LMO7: variants seen among roughly 807,000 people sequenced by gnomAD.
The protein encoded by LMO7 is LIM domain 7.
In LMO7, 120 loss-of-function variants were observed where a neutral mutation model predicts 206.5. The observed-to-expected ratio is 0.58, with a 90% confidence interval of 0.50 to 0.68. The LOEUF (loss-of-function observed/expected upper bound fraction) is 0.68, where lower values mean the gene tolerates loss of function less well. LMO7 is among the 30% of genes least tolerant of loss of function. The pLI, the probability that LMO7 is intolerant of heterozygous loss-of-function variation, is 0.00. For missense variants in LMO7, 1,959 were observed against 1,957.9 expected (o/e 1.00, Z -0.01); for synonymous variants, 706 against 681.5 (o/e 1.04, Z -0.56).
intron 1 of LMO7, among the ~76,000 whole-genome samples, chr13:75,669,998 G>C (rs538141220): frequency 6.6e-6 from 1 of 152,084 alleles, no homozygotes; most frequent in East Asian, 1.9e-4. Flanking sequence ...GTCCCTGGAG[G>C]GTTTGCAAGT....
intron 1 of LMO7, among the ~76,000 whole-genome samples, chr13:75,638,356 T>G (rs936841811): frequency 1.3e-5 from 2 of 152,098 alleles, no homozygotes; most frequent in Non-Finnish European, 2.9e-5. Context: ...CTCCAAGAAA[T>G]TTGTATGTAA....
chr13:75,721,809 C>T (rs1376694895), intron 2 of LMO7, among the ~76,000 whole-genome samples: 1 of 152,178 alleles, frequency 6.6e-6, no homozygotes, highest in Non-Finnish European at 1.5e-5. Flanking sequence ...CATATAATGA[C>T]TTATTTTGAT....
intron 1 of LMO7, among the ~76,000 whole-genome samples, chr13:75,710,483 G>A (rs1594431447): frequency 2.0e-5 from 3 of 151,884 alleles, no homozygotes; most frequent in Admixed American, 6.6e-5. Flanking sequence ...TTGAGCAGTG[G>A]TTTGTAGTTC....
chr13:75,670,479 C>T (rs1007549235), intron 1 of LMO7, among the ~76,000 whole-genome samples: 13 of 152,178 alleles, frequency 8.5e-5, no homozygotes, highest in Admixed American at 6.5e-4. Flanking sequence ...TATAGTGTAG[C>T]TTATTGCTCC....
At chr13:75,793,336 C>T (rs574943243) in intron 4 of LMO7, among the ~76,000 whole-genome samples, 73 of 152,248 alleles carry the variant, frequency 4.8e-4, no homozygotes, top group African/African-American at 1.5e-3. Context: ...AATGCAGTGG[C>T]GCAATCTCAG....
intron 1 of LMO7, among the ~76,000 whole-genome samples, chr13:75,711,600 C>G (rs577913212): frequency 6.6e-6 from 1 of 152,192 alleles, no homozygotes; most frequent in Non-Finnish European, 1.5e-5. Flanking sequence ...CTTCGGCTCA[C>G]GCTCGGTGCG....
intron 2 of LMO7, among the ~76,000 whole-genome samples, chr13:75,726,356 T>C (rs559236391): frequency 3.5e-4 from 53 of 152,048 alleles, no homozygotes; most frequent in Admixed American, 5.2e-4. Context: ...TTGGCAGACA[T>C]AGATATCTTT....
Position 75,821,274 on chromosome 13 carries a change from G to A in LMO7, c.2305G>A (p.Val769Met). The A allele has an allele frequency of 1.9e-6, 3 of 1,614,020 alleles. No homozygotes were observed. Among genetic ancestry groups the A allele is most frequent in the African/African-American group, 1.3e-5 (1 of 75,062 alleles). ...EEGKRPPTMT[V>M]SEASYQSERV... is the part of the protein sequence containing the mutation. ...AGGAAAGCGACCCCCTACAATGACT[G>A]TGTCAGAAGCAAGTTACCAGAGTGA... The change falls in exon 14 of 31, where the codon GTG becomes ATG. Residue 769 changes from valine (V) to methionine (M), a missense_variant. Coordinates refer to ENST00000377534, the MANE Select transcript of LMO7 (RefSeq NM_001306080.2).
At chr13:75,727,237 A>T in intron 3 of LMO7, 139 bp downstream of exon 3, 1 of 507,718 alleles carries the variant, frequency 2.0e-6, no homozygotes, top group Admixed American at 3.7e-5. Context: ...GTGTTTGGTG[A>T]TGTCCTCCTT....
chr13:75,703,088 C>G (rs902260244), intron 1 of LMO7, among the ~76,000 whole-genome samples: 2 of 152,174 alleles, frequency 1.3e-5, no homozygotes, highest in African/African-American at 4.8e-5. Flanking sequence ...TAGAAGGCTA[C>G]TTTAATAAAG....
At position 75,834,390 on chromosome 13, in the gene LMO7, G is replaced by A. The variant is rs770426469; in HGVS notation, c.3226+3G>A. The A allele has an allele frequency of 1.3e-6, 2 of 1,584,924 alleles. No homozygotes were observed. Among genetic ancestry groups the A allele is most frequent in the South Asian group, 1.2e-5 (1 of 85,526 alleles). ...TGTGAGGCGCTATGGAAAGGCTGGT[G>A]AGTTTGTGTTACCACCATGTCTGGC... On this transcript the variant is annotated splice_donor_region_variant and intron_variant, in intron 17 of 30. Transcript: ENST00000377534.
chr13:75,771,423 A>G (rs1373699684), intron 4 of LMO7, among the ~76,000 whole-genome samples: 3 of 152,046 alleles, frequency 2.0e-5, no homozygotes, highest in Non-Finnish European at 2.9e-5. Context: ...TTGCTGTGAT[A>G]ATGGAACATT....
At chr13:75,735,226 T>C (rs1353422414) in intron 3 of LMO7, among the ~76,000 whole-genome samples, 1 of 151,842 alleles carries the variant, frequency 6.6e-6, no homozygotes, top group Non-Finnish European at 1.5e-5. Flanking sequence ...ATCATTCTCA[T>C]GCTGTGACTC....
chr13:75,794,612 A>G (rs1204590561), intron 4 of LMO7, among the ~76,000 whole-genome samples: 1 of 152,190 alleles, frequency 6.6e-6, no homozygotes, highest in Admixed American at 6.5e-5. Flanking sequence ...TCAGGCTTCT[A>G]CAAGTCTCTG....
At chr13:75,770,557 T>G (rs990102568) in intron 4 of LMO7, among the ~76,000 whole-genome samples, 1 of 152,084 alleles carries the variant, frequency 6.6e-6, no homozygotes, top group African/African-American at 2.4e-5. Context: ...AAAAACATGC[T>G]TAAGTCTTAA....
intron 3 of LMO7, among the ~76,000 whole-genome samples, chr13:75,747,846 G>T (rs1257743721): frequency 6.6e-6 from 1 of 152,206 alleles, no homozygotes; most frequent in Non-Finnish European, 1.5e-5. Context: ...GCATGATCCA[G>T]GTGGGCTCTG....
rs570513211 is a variant in LMO7, at chr13:75,647,951, C to CTTTTTTTTTTTTTTTTTTTTTTTTTTTTT, written c.69+11243_69+11244insTTTTTTTTTTTTTTTTTTTTTTTTTTTTT. 7.7e-5 allele frequency among the ~76,000 whole-genome samples: 7 copies of CTTTTTTTTTTTTTTTTTTTTTTTTTTTTT among 91,128 alleles called. 1 individual carries two copies. The highest frequency in any genetic ancestry group is 1.2e-4 in the Non-Finnish European group (6 of 49,366). 59.8% of individuals were successfully genotyped at this position (91,128 alleles called of 152,430 possible). ...GATTTTCTCTTGTTTTCTTTTCTTT[C>CTTTTTTTTTTTTTTTTTTTTTTTTTTTTT]TTTTTTTTTTTTTTTTTTGAGACAG... On this transcript the variant is annotated intron_variant, in intron 1 of 30. Coordinates refer to ENST00000377534, the MANE Select transcript of LMO7 (RefSeq NM_001306080.2).
intron 1 of LMO7, among the ~76,000 whole-genome samples, chr13:75,700,571 G>A (rs542781806): frequency 6.6e-6 from 1 of 152,180 alleles, no homozygotes; most frequent in Non-Finnish European, 1.5e-5. Context: ...CACTTAAAGG[G>A]AGTACTTGAT....
At chr13:75,644,400 G>T (rs2036832804) in intron 1 of LMO7, among the ~76,000 whole-genome samples, 1 of 152,158 alleles carries the variant, frequency 6.6e-6, no homozygotes, top group African/African-American at 2.4e-5. Context: ...ATACTCTGCT[G>T]CCTGGGAGTG....
Sources: allele counts gnomAD v4.1 joint callset (sites outside exome capture counted in the v4.1 genomes callset), GRCh38; gene constraint gnomAD v4.1.1; transcripts MANE v1.5; gene names NCBI Gene and HGNC (gene_info 2026-07-23, HGNC 2026-07-21).